Variants in COX10 observed in about 807,000 individuals in gnomAD.
The protein encoded by COX10 is cytochrome c oxidase assembly factor heme A:farnesyltransferase COX10, also known as protoheme IX farnesyltransferase, mitochondrial.
A neutral mutation model predicts 37.3 loss-of-function variants in COX10; 27 were observed. The ratio of observed to expected loss-of-function variants is 0.72; its 90% CI spans 0.53 to 1.00. The LOEUF (loss-of-function observed/expected upper bound fraction) is 1.00, where lower values mean the gene tolerates loss of function less well. COX10 is among the 50% of genes least tolerant of loss of function. COX10 has a pLI of 0.00. For missense variants in COX10, 475 were observed against 563.2 expected, an observed-to-expected ratio of 0.84 and a Z score of 1.59; for synonymous variants, 222 against 229.1, an observed-to-expected ratio of 0.97 and a Z score of 0.28.
At chr17:14,148,742 A>T (rs1904803111) in intron 4 of COX10, among the ~76,000 whole-genome samples, 2 of 152,212 alleles carry the variant, frequency 1.3e-5, no homozygotes, top group African/African-American at 4.8e-5. Context: ...TAGGACTAGG[A>T]AGTACATCAG....
chr17:14,088,073 C>A (rs1915451825), intron 3 of COX10, among the ~76,000 whole-genome samples: 1 of 152,156 alleles, frequency 6.6e-6, no homozygotes, highest in Admixed American at 6.5e-5. Flanking sequence ...CTCATCTGGC[C>A]ATGGCTCACC....
chr17:14,142,208 A>G (rs1904567665), intron 4 of COX10, among the ~76,000 whole-genome samples: 1 of 152,224 alleles, frequency 6.6e-6, no homozygotes. Context: ...TATTTTACTA[A>G]GACATTAACA....
chr17:14,149,326 G>C (rs1452544531), intron 4 of COX10, among the ~76,000 whole-genome samples: 1 of 152,052 alleles, frequency 6.6e-6, no homozygotes, highest in Non-Finnish European at 1.5e-5. Flanking sequence ...TAATTTTGTA[G>C]GTATGATGTA....
chr17:14,130,158 T>C (rs1275339898), intron 4 of COX10, among the ~76,000 whole-genome samples: 2 of 152,222 alleles, frequency 1.3e-5, no homozygotes, highest in South Asian at 4.1e-4. Flanking sequence ...GAAGTAATTA[T>C]CTTAGAGGTG....
At position 14,172,578 on chromosome 17, in the gene COX10, C is replaced by T. The variant is rs796883810; in HGVS notation, c.695+12631C>T. On this transcript the variant is annotated intron_variant, in intron 5 of 6. Transcript: ENST00000261643. ...TCGTATGTCTTCTTTTTTTCTTTTT[C>T]TTTTTTTTTTTTTTTTTTTTGAGAC... is the stretch of plus-strand genomic sequence containing the variant. Among the ~76,000 whole-genome samples, 60 of 105,610 alleles carry T rather than the reference C, an allele frequency of 5.7e-4. 7 individuals are homozygous for T. The highest frequency in any genetic ancestry group is 5.5e-4 in the Non-Finnish European group (28 of 50,816). 69.3% of individuals were successfully genotyped at this position (105,610 alleles called of 152,430 possible).
At position 14,134,776 on chromosome 17, in the gene COX10, G is replaced by GT. The variant is rs201348544; in HGVS notation, c.625-25088dup. ...CATGGATAAATTAATTGCCCTCGGT[G>GT]TTTTTTTTTTTTTAAGTTAAACTCT... is the stretch of plus-strand genomic sequence containing the variant. On this transcript the variant is annotated intron_variant, in intron 4 of 6. Coordinates refer to ENST00000261643, the MANE Select transcript of COX10 (RefSeq NM_001303.4). Among the ~76,000 whole-genome samples, 653 of 142,084 alleles carry GT rather than the reference G, an allele frequency of 4.6e-3. 5 individuals carry two copies. The highest frequency in any genetic ancestry group is 0.044 in the East Asian group (218 of 4,934). The allele number at this position is 142,084 out of a possible 152,430, so 93.2% of individuals were successfully genotyped here.
In COX10 at chr17:14,187,963, TA is replaced by T. The variant is rs1224184624; in HGVS notation, c.696-4023del. Among the ~76,000 whole-genome samples the T allele has an allele frequency of 3.9e-5, 6 of 152,358 alleles. No homozygotes were observed. The South Asian group carries it at 1.2e-3, about 32-fold the overall frequency. On this transcript the variant is annotated intron_variant, in intron 5 of 6. Coordinates refer to ENST00000261643, the MANE Select transcript of COX10 (RefSeq NM_001303.4). ...TGTGACTTCAACAAAGGTCAGAAAC[TA>T]AACTTCCACATAAAATGGCCTATCT...
At chr17:14,120,936 C>T (rs1014778018) in intron 4 of COX10, among the ~76,000 whole-genome samples, 1 of 152,092 alleles carries the variant, frequency 6.6e-6, no homozygotes, top group African/African-American at 2.4e-5. Flanking sequence ...TTAGTGTTCC[C>T]ATACAGGCAT....
chr17:14,148,566 C>T (rs1328050851), intron 4 of COX10, among the ~76,000 whole-genome samples: 2 of 152,136 alleles, frequency 1.3e-5, no homozygotes, highest in East Asian at 3.8e-4. Context: ...CAAACTCCCA[C>T]GAGGTTCACA....
At chr17:14,077,341 T>TACGGCGACCACCGAGA in intron 3 of COX10, 1 of 384,124 alleles carries the variant, frequency 2.6e-6, no homozygotes, top group South Asian at 2.6e-5. Context: ...TCTTTAGTGT[T>TACGGCGACCACCGAGA]TTTACACCTG....
chr17:14,101,423 A>G (rs762874527), intron 3 of COX10, among the ~76,000 whole-genome samples: 1 of 152,158 alleles, frequency 6.6e-6, no homozygotes, highest in Non-Finnish European at 1.5e-5. Flanking sequence ...CTACAGCTGC[A>G]TATCAGCACC....
intron 5 of COX10, among the ~76,000 whole-genome samples, chr17:14,186,175 G>A (rs1906019715): frequency 6.6e-6 from 1 of 152,060 alleles, no homozygotes; most frequent in Admixed American, 6.6e-5. Flanking sequence ...CACATGGCAG[G>A]CAGAGTAGTC....
intron 6 of COX10, among the ~76,000 whole-genome samples, chr17:14,196,975 G>A (rs571557983): frequency 6.6e-6 from 1 of 152,270 alleles, no homozygotes; most frequent in African/African-American, 2.4e-5. Context: ...TCTGAGCCAA[G>A]ACATCAAATA....
At chr17:14,116,484 A>G (rs906759652) in intron 4 of COX10, among the ~76,000 whole-genome samples, 5 of 152,228 alleles carry the variant, frequency 3.3e-5, no homozygotes, top group Admixed American at 1.3e-4. Flanking sequence ...TAACACTTCT[A>G]CAACTTCTGA....
intron 5 of COX10, among the ~76,000 whole-genome samples, chr17:14,160,909 A>G (rs1487474580): frequency 1.3e-5 from 2 of 152,208 alleles, no homozygotes; most frequent in Non-Finnish European, 2.9e-5. Flanking sequence ...AACTGTCAAA[A>G]GTACTTTTAT....
chr17:14,101,025 C>T (rs897956300), intron 3 of COX10, among the ~76,000 whole-genome samples: 2 of 152,142 alleles, frequency 1.3e-5, no homozygotes, highest in Non-Finnish European at 2.9e-5. Flanking sequence ...TGCTAAATGT[C>T]CCCTGGGGGG....
chr17:14,071,838 T>G (rs905008896), intron 1 of COX10, among the ~76,000 whole-genome samples: 2 of 151,776 alleles, frequency 1.3e-5, no homozygotes, highest in African/African-American at 4.8e-5. Flanking sequence ...AGGCAGAGGT[T>G]GTAGTGAGCC....
At chr17:14,188,488 A>ATC (rs1555541017) in intron 5 of COX10, among the ~76,000 whole-genome samples, 1 of 150,974 alleles carries the variant, frequency 6.6e-6, no homozygotes, top group African/African-American at 2.4e-5. Flanking sequence ...AAAAAAAAAA[A>ATC]CTATTTCTCA....
At chr17:14,089,968 G>A (rs1428050453) in intron 3 of COX10, among the ~76,000 whole-genome samples, 1 of 151,978 alleles carries the variant, frequency 6.6e-6, no homozygotes, top group African/African-American at 2.4e-5. Context: ...TTCCCATTAA[G>A]GGAGACCTCT....
Sources: gnomAD v4.1 joint callset for allele counts (sites outside exome capture counted in the v4.1 genomes callset) on GRCh38, gnomAD v4.1.1 for gene constraint, MANE v1.5 for transcripts, NCBI Gene and HGNC (gene_info 2026-07-23, HGNC 2026-07-21) for gene names.